The following GARIN1A variants were observed in gnomAD, a reference collection of about 807,000 sequenced individuals.
GARIN1A encodes the protein golgi associated RAB2 interactor 1A.
At chr7:128,700,193 A>G in the GARIN1A span, among the ~76,000 whole-genome samples, 25 of 151,272 alleles carry the variant, frequency 1.7e-4, no homozygotes, top group African/African-American at 5.8e-4. Flanking sequence ...TAGCATGTGA[A>G]TTGTAGTTAT....
chr7:128,677,335 G>A, the GARIN1A span, among the ~76,000 whole-genome samples: 6 of 151,016 alleles, frequency 4.0e-5, no homozygotes, highest in East Asian at 2.0e-4. Context: ...GTGAAACCCC[G>A]TCTCTACTAA....
the GARIN1A span, among the ~76,000 whole-genome samples, chr7:128,697,972 T>C: frequency 6.6e-6 from 1 of 152,210 alleles, no homozygotes; most frequent in Non-Finnish European, 1.5e-5. Context: ...GGGTACAAGC[T>C]TCTGATTCTA....
the GARIN1A span, chr7:128,675,936 T>A: frequency 9.2e-7 from 1 of 1,088,088 alleles, no homozygotes; most frequent in Non-Finnish European, 1.4e-6. Context: ...GGATTTTAGA[T>A]CAAAAGAAAA....
the GARIN1A span, chr7:128,672,527 G>T: frequency 1.2e-6 from 2 of 1,609,594 alleles, no homozygotes; most frequent in Non-Finnish European, 1.7e-6. Flanking sequence ...CAACTCGGTG[G>T]TGTTTGAAAG....
the GARIN1A span, among the ~76,000 whole-genome samples, chr7:128,689,110 T>A: frequency 6.6e-6 from 1 of 152,048 alleles, no homozygotes; most frequent in Admixed American, 6.5e-5. Context: ...GTGCTCAATG[T>A]TGCCCAGGCT....
At chr7:128,675,912 A>G in the GARIN1A span, 1 of 1,305,910 alleles carries the variant, frequency 7.7e-7, no homozygotes, top group Non-Finnish European at 1.1e-6. Context: ...TGGGATATGC[A>G]TTGCTTTGTA....
the GARIN1A span, among the ~76,000 whole-genome samples, chr7:128,708,601 T>C: frequency 6.6e-6 from 1 of 152,140 alleles, no homozygotes; most frequent in South Asian, 2.1e-4. Context: ...TCCCTCAGAC[T>C]GCTCTTCTCC....
the GARIN1A span, chr7:128,678,060 A>AC: frequency 3.6e-5 from 9 of 250,754 alleles, no homozygotes; most frequent in South Asian, 3.5e-4. Flanking sequence ...ATGCCCTGTC[A>AC]CCCAGGCTGG....
the GARIN1A span, among the ~76,000 whole-genome samples, chr7:128,679,247 C>T: frequency 2.0e-5 from 3 of 151,502 alleles, no homozygotes; most frequent in African/African-American, 7.3e-5. Flanking sequence ...GGCTAGAGTG[C>T]AGTGGTGTAA....
the GARIN1A span, chr7:128,682,980 A>G: frequency 0.29 from 467,070 of 1,598,826 alleles, 70,600 homozygotes; most frequent in East Asian, 0.5. Context: ...TGACACTGCC[A>G]TTGAAATAGA....
At chr7:128,677,435 G>A in the GARIN1A span, 1 of 1,038,560 alleles carries the variant, frequency 9.6e-7, no homozygotes, top group Non-Finnish European at 1.3e-6. Flanking sequence ...TGAACCCCGG[G>A]GGCAGAGCCT....
At chr7:128,692,619 G>T in the GARIN1A span, among the ~76,000 whole-genome samples, 4 of 152,326 alleles carry the variant, frequency 2.6e-5, no homozygotes, top group South Asian at 8.3e-4. Context: ...TCAGAGAAAA[G>T]AGAAAATGTC....
chr7:128,698,375 C>T, the GARIN1A span, among the ~76,000 whole-genome samples: 2 of 152,076 alleles, frequency 1.3e-5, no homozygotes, highest in East Asian at 1.9e-4. Flanking sequence ...CTCAGGTCAG[C>T]GAGTCCTGGG....
At chr7:128,684,199 A>G in the GARIN1A span, 8 of 152,296 alleles carry the variant, frequency 5.3e-5, no homozygotes, top group African/African-American at 1.9e-4. Flanking sequence ...GGAGAAATCA[A>G]CTTTCAAAGG....
chr7:128,700,852 T>C, the GARIN1A span, among the ~76,000 whole-genome samples: 1 of 151,944 alleles, frequency 6.6e-6, no homozygotes, highest in African/African-American at 2.4e-5. Context: ...ACACACACGA[T>C]GCACTACCTA....
the GARIN1A span, among the ~76,000 whole-genome samples, chr7:128,693,299 C>T: frequency 2.6e-5 from 4 of 152,220 alleles, no homozygotes; most frequent in East Asian, 7.7e-4. Flanking sequence ...TATAATCTTT[C>T]TAAAGTCTCC....
chr7:128,694,973 TTA>T, the GARIN1A span, among the ~76,000 whole-genome samples: 1 of 152,224 alleles, frequency 6.6e-6, no homozygotes, highest in East Asian at 1.9e-4. Flanking sequence ...TGTACTGACA[TTA>T]TCTCTATAGC....
At chr7:128,707,950 CCTTA>C in the GARIN1A span, among the ~76,000 whole-genome samples, 1 of 151,344 alleles carries the variant, frequency 6.6e-6, no homozygotes, top group Non-Finnish European at 1.5e-5. Flanking sequence ...CTTCTCCCTT[CCTTA>C]CTTCCTTCCT....
the GARIN1A span, among the ~76,000 whole-genome samples, chr7:128,696,317 C>A: frequency 6.6e-6 from 1 of 152,134 alleles, no homozygotes; most frequent in Non-Finnish European, 1.5e-5. Flanking sequence ...CTGTGCCTGG[C>A]TGCTTCTGTG....
Sources: allele counts gnomAD v4.1 joint callset (sites outside exome capture counted in the v4.1 genomes callset), GRCh38; gene constraint gnomAD v4.1.1; transcripts MANE v1.5; gene names NCBI Gene and HGNC (gene_info 2026-07-23, HGNC 2026-07-21).